TPH1: variants seen among roughly 807,000 people sequenced by gnomAD.
TPH1 encodes tryptophan hydroxylase 1.
Under a neutral mutation model 49.5 loss-of-function variants are expected in TPH1, and 37 were observed. The observed-to-expected ratio is 0.75, with a 90% CI of 0.58 to 0.98. TPH1 has a LOEUF of 0.98. Ranked by LOEUF, TPH1 falls within the 50% of genes least tolerant of loss-of-function variation. The pLI is 0.00. For missense variants in TPH1, 487 were observed against 523.6 expected (o/e 0.93, Z 0.68); for synonymous variants, 160 against 182.1 (o/e 0.88, Z 0.98).
rs61472116 is a variant in TPH1, at chr11:18,029,443, G to A, written c.470+69C>T. On this transcript the variant is annotated intron_variant, in intron 5 of 10. Transcript: ENST00000682019. ...TTATTTCACTTTCTACTTACCAAAT[G>A]AACACAATTTATTCTATTCACTTAT... The A allele has an allele frequency of 1.2e-3, 1,939 of 1,554,504 alleles. 18 individuals carry two copies. In the African/African-American group the frequency reaches 0.023, roughly 19 times the overall value.
At chr11:18,032,069 GCTGT>G (rs760669533) in intron 4 of TPH1, among the ~76,000 whole-genome samples, 4 of 152,022 alleles carry the variant, frequency 2.6e-5, no homozygotes, top group Non-Finnish European at 5.9e-5. Flanking sequence ...TCATCTAGTG[GCTGT>G]CTAAGGTAGT....
rs750094287 is a variant in TPH1 at position 18,029,272 on chromosome 11, G to T, written c.560C>A (p.Thr187Asn). 2 of 1,613,790 alleles carry T rather than the reference G, an allele frequency of 1.2e-6. No homozygotes were observed. The highest frequency in any genetic ancestry group is 1.7e-6 in the Non-Finnish European group (2 of 1,179,892). ...TTTGAGATACTCTCTGCAAGCATGG[G>T]TTGGGTAGAGTTTGTTGAGCTCTTG... ...VFQELNKLYP[T>N]HACREYLKNL... Residue 187 changes from threonine to asparagine, a missense_variant, in exon 6 of 11, where the codon ACC becomes AAC. By Grantham distance (65) the Thr-to-Asn change is moderately conservative. Coordinates refer to ENST00000682019, the MANE Select transcript of TPH1 (RefSeq NM_004179.3).
chr11:18,033,476 A>C (rs1194284073), intron 3 of TPH1, 102 bp from the exon 4 acceptor site: 8 of 954,124 alleles, frequency 8.4e-6, no homozygotes, highest in Non-Finnish European at 1.6e-6. Context: ...GTTGGATGAG[A>C]GTTTTAATTT....
intron 9 of TPH1, among the ~76,000 whole-genome samples, chr11:18,023,411 C>G (rs1854385732): frequency 6.6e-6 from 1 of 152,016 alleles, no homozygotes; most frequent in Non-Finnish European, 1.5e-5. Context: ...GAAGTTATTG[C>G]TAGCATATCA....
chr11:18,036,434 C>T (rs1311734155), intron 2 of TPH1, among the ~76,000 whole-genome samples: 1 of 152,118 alleles, frequency 6.6e-6, no homozygotes, highest in African/African-American at 2.4e-5. Context: ...ATTAAGTTTC[C>T]TGGGTAAGAG....
Position 18,043,732 on chromosome 11 carries a change from G to A in TPH1, c.-27+2509C>T, listed in dbSNP as rs559101727. Among the ~76,000 whole-genome samples the A allele has an allele frequency of 2.0e-5, 3 of 152,176 alleles. No individual in the cohort carries two copies. The South Asian group carries it at 6.2e-4, about 32-fold the overall frequency. On this transcript the variant is annotated intron_variant, in intron 1 of 10. Coordinates refer to ENST00000682019, the MANE Select transcript of TPH1 (RefSeq NM_004179.3). The stretch of plus-strand genomic sequence containing the variant: ...ATTGTTTAAGTTAGCTGGGCATAGT[G>A]GCTTTCACCTGCAGTCCCAGCTACT...
At chr11:18,044,229 C>G (rs1166495147) in intron 1 of TPH1, among the ~76,000 whole-genome samples, 1 of 152,144 alleles carries the variant, frequency 6.6e-6, no homozygotes, top group Non-Finnish European at 1.5e-5. Context: ...CGAGACCATC[C>G]TGGCCAACAT....
intron 9 of TPH1, among the ~76,000 whole-genome samples, 190 bp downstream of exon 9, chr11:18,023,698 C>T (rs1191236347): frequency 6.6e-6 from 1 of 151,646 alleles, no homozygotes; most frequent in African/African-American, 2.4e-5. Context: ...TATACATATA[C>T]ACACACACAT....
At chr11:18,034,590 A>G (rs150017883) in intron 3 of TPH1, among the ~76,000 whole-genome samples, 1 of 152,212 alleles carries the variant, frequency 6.6e-6, no homozygotes, top group Non-Finnish European at 1.5e-5. Flanking sequence ...TCTGCCAGCC[A>G]GAAGTGGAGA....
intron 1 of TPH1, chr11:18,042,368 T>C (rs1333743280): frequency 2.2e-6 from 1 of 454,430 alleles, no homozygotes; most frequent in East Asian, 7.0e-5. Context: ...TCTTACCCAT[T>C]CAATTACCAC....
At position 18,029,261 on chromosome 11, in the gene TPH1, T is replaced by C. The variant is rs200332761; in HGVS notation, c.571A>G (p.Arg191Gly). The change falls in exon 6 of 11, where the codon AGA (arginine) becomes GGA (glycine). Residue 191 changes from arginine to glycine, a missense_variant. By Grantham distance (125) the Arg-to-Gly change is moderately radical. Coordinates refer to ENST00000682019, the MANE Select transcript of TPH1 (RefSeq NM_004179.3). ...AAAGGTAAGTTTTTGAGATACTCTCTGCAAGCATGGGTTGGGTAGAGTTTG... is the reference window on the plus strand; with the variant it reads ...AAAGGTAAGTTTTTGAGATACTCTCCGCAAGCATGGGTTGGGTAGAGTTTG... ...LNKLYPTHAC[R>G]EYLKNLPLLS... The C allele has an allele frequency of 6.2e-7, 1 of 1,614,012 alleles. No homozygotes were observed. The highest frequency in any genetic ancestry group is 8.5e-7 in the Non-Finnish European group (1 of 1,179,910).
intron 4 of TPH1, among the ~76,000 whole-genome samples, chr11:18,031,563 G>A (rs1847990166): frequency 6.6e-6 from 1 of 152,086 alleles, no homozygotes; most frequent in East Asian, 1.9e-4. Flanking sequence ...ATAAGGAGGA[G>A]GTGTTTGAAG....
chr11:18,021,619 TATATAAC>T (rs1484497878), intron 10 of TPH1, among the ~76,000 whole-genome samples: 6 of 152,076 alleles, frequency 3.9e-5, no homozygotes, highest in Non-Finnish European at 4.4e-5. Flanking sequence ...CCTGTGTGTT[TATATAAC>T]ATATAACACA....
At chr11:18,029,613 A>T in intron 4 of TPH1, 34 bp from the exon 5 acceptor site, 1 of 1,508,700 alleles carries the variant, frequency 6.6e-7, no homozygotes, top group Admixed American at 1.7e-5. Context: ...AAATATCCAT[A>T]CTAAAAAATA....
intron 4 of TPH1, among the ~76,000 whole-genome samples, chr11:18,032,978 G>C (rs970497457): frequency 6.6e-6 from 1 of 151,902 alleles, no homozygotes; most frequent in African/African-American, 2.4e-5. Flanking sequence ...ATACTTACTG[G>C]GTGATAGTTT....
In TPH1 at chr11:18,033,825, C is replaced by T. The variant is rs530809827; in HGVS notation, c.302-451G>A. ...TGATCTTCTCACCATTCCTCAGACA[C>T]GCAAGCCCTCATAAGACTATGGGGT... On this transcript the variant is annotated intron_variant, in intron 3 of 10. Transcript: ENST00000682019. 6.6e-5 allele frequency among the ~76,000 whole-genome samples: 10 copies of T among 152,288 alleles called. No individual in the cohort carries two copies. In the South Asian group the frequency reaches 1.7e-3, roughly 25 times the overall value.
In TPH1 at chr11:18,040,460, C is replaced by T. The variant is rs186796511; in HGVS notation, c.117+186G>A. Among the ~76,000 whole-genome samples the T allele has an allele frequency of 1.1e-3, 163 of 151,394 alleles. 1 individual carries two copies. Among genetic ancestry groups the T allele is most frequent in the African/African-American group, 3.8e-3 (158 of 41,326 alleles). On this transcript the variant is annotated intron_variant, in intron 2 of 10. Coordinates refer to ENST00000682019, the MANE Select transcript of TPH1 (RefSeq NM_004179.3). The stretch of plus-strand genomic sequence containing the variant: ...CTCACTCACTGTAACCCTGGACTCC[C>T]GGACTGAAGCAATCCTCCCACCCCA...
chr11:18,023,935 G>C lies in TPH1; in HGVS notation c.979C>G (p.Leu327Val). 6.2e-7 allele frequency: 1 copy of C among 1,613,478 alleles called. No individual in the cohort carries two copies. The change falls in exon 9 of 11, where the codon CTA becomes GTA. Residue 327 changes from leucine (L) to valine (V), a missense_variant. Transcript: ENST00000682019. ...AGTAAGCCAGCACCAAAGACTCTTAGCTGTCCATCTTGTTTACATAGACCA... is the reference window on the plus strand; with the variant it reads ...AGTAAGCCAGCACCAAAGACTCTTACCTGTCCATCTTGTTTACATAGACCA... ...EFGLCKQDGQ[L>V]RVFGAGLLSS...
At chr11:18,033,223 A>G (rs771080859) in intron 4 of TPH1, 51 bp downstream of exon 4, 1 of 1,403,364 alleles carries the variant, frequency 7.1e-7, no homozygotes, top group Non-Finnish European at 1.0e-6. Context: ...ACTGCACTCC[A>G]GTCTGGACAG....
Sources: allele counts gnomAD v4.1 joint callset (sites outside exome capture counted in the v4.1 genomes callset), GRCh38; gene constraint gnomAD v4.1.1; transcripts MANE v1.5; gene names NCBI Gene and HGNC (gene_info 2026-07-23, HGNC 2026-07-21).